Variants in CLSTN3 observed in about 807,000 individuals in gnomAD.
CLSTN3 encodes the protein calsyntenin-3.
In CLSTN3, 36 loss-of-function variants were observed where a neutral mutation model predicts 95.9. The ratio of observed to expected loss-of-function variants is 0.38; its 90% CI spans 0.29 to 0.50. The LOEUF (loss-of-function observed/expected upper bound fraction) is 0.50. Among genes scored for constraint, CLSTN3 ranks in the 20% least tolerant of loss-of-function variants. The pLI is 0.95. For missense variants in CLSTN3, 1,084 were observed against 1,268.8 expected, an observed-to-expected ratio of 0.85 and a Z score of 2.21; for synonymous variants, 481 against 504.0, an observed-to-expected ratio of 0.95 and a Z score of 0.61.
intron 10 of CLSTN3, 145 bp from the exon 11 acceptor site, chr12:7,142,718 CTTTTTT>C (rs373132235): frequency 5.5e-5 from 17 of 306,944 alleles, no homozygotes; most frequent in Admixed American, 1.6e-4. Flanking sequence ...CTCTTTTTTC[CTTTTTT>C]TTTTTTTTTT....
intron 8 of CLSTN3, among the ~76,000 whole-genome samples, chr12:7,140,613 T>C (rs1165000764): frequency 5.3e-5 from 8 of 152,140 alleles, no homozygotes; most frequent in African/African-American, 7.2e-5. Context: ...AATATTTATT[T>C]TAGTGCTTAA....
At chr12:7,155,453 CTCG>C (rs1435418691) in intron 16 of CLSTN3, among the ~76,000 whole-genome samples, 1 of 152,230 alleles carries the variant, frequency 6.6e-6, no homozygotes, top group African/African-American at 2.4e-5. Context: ...CCAGCTTTAG[CTCG>C]TCATCGTTGT....
intron 12 of CLSTN3, among the ~76,000 whole-genome samples, chr12:7,143,596 C>T (rs769373028): frequency 6.6e-5 from 10 of 152,196 alleles, no homozygotes; most frequent in African/African-American, 7.2e-5. Flanking sequence ...TGTGCTGATA[C>T]GTAAAGTGGG....
rs1170996734 is a variant in CLSTN3 at position 7,157,189 on chromosome 12, A to G, written c.2528-300A>G. Among the ~76,000 whole-genome samples the G allele has an allele frequency of 6.6e-6, 1 of 152,182 alleles. No individual in the cohort carries two copies. Among genetic ancestry groups the G allele is most frequent in the Non-Finnish European group, 1.5e-5 (1 of 68,020 alleles). ...CTGTCCTCTGCGAATAGGGCTGTTC[A>G]TGACAGTGTTGGGCAGGGAGTCTTT... is the stretch of plus-strand genomic sequence containing the variant. On this transcript the variant is annotated intron_variant, in intron 16 of 17. Coordinates refer to ENST00000266546, the MANE Select transcript of CLSTN3 (RefSeq NM_014718.4). The surrounding 1 kb of genome is among the most constrained non-coding windows in gnomAD (Gnocchi z 5.9).
intron 16 of CLSTN3, chr12:7,156,731 TG>T: frequency 4.4e-6 from 2 of 456,790 alleles, no homozygotes; most frequent in Non-Finnish European, 8.8e-6. Flanking sequence ...CGCACCGTTC[TG>T]TGTCTCAGTG....
rs1472119395 is a variant in CLSTN3, at chr12:7,143,201, G to T, written c.1737G>T (p.Glu579Asp). 6.2e-7 allele frequency: 1 copy of T among 1,614,134 alleles called. No individual in the cohort carries two copies. Among genetic ancestry groups the T allele is most frequent in the Admixed American group, 1.7e-5 (1 of 60,028 alleles). ...CCTCACAGTCCCTGCTCACCCTGGA[G>T]GGGGATGATGTGGAGACCTTCAACC... ...VNPSQSLLTL[E>D]GDDVETFNHA... The change falls in exon 12 of 18, where the codon GAG becomes GAT. Residue 579 changes from glutamate (E) to aspartate (D), a missense_variant. Glu to Asp is a conservative substitution (Grantham distance 45). Transcript: ENST00000266546.
rs763654214 is a variant in CLSTN3, at chr12:7,136,371, G to A, written c.908G>A (p.Arg303Gln). The A allele has an allele frequency of 4.3e-6, 7 of 1,612,498 alleles. No homozygotes were observed. Among genetic ancestry groups the A allele is most frequent in the Admixed American group, 3.3e-5 (2 of 59,840 alleles). The change falls in exon 6 of 18, where the codon CGG (arginine) becomes CAG (glutamine). Residue 303 changes from arginine to glutamine, a missense_variant. Transcript: ENST00000266546. ...KGCDRDNYSE[R>Q]ALRKLCGAAT... Reference sequence around the variant, plus strand: ...TGTGACCGTGACAACTACTCAGAGCGGGCGCTGCGGAAACTCTGTGGTAGG... The same window carrying A: ...TGTGACCGTGACAACTACTCAGAGCAGGCGCTGCGGAAACTCTGTGGTAGG...
intron 16 of CLSTN3, among the ~76,000 whole-genome samples, chr12:7,155,253 T>A (rs907915908): frequency 6.6e-6 from 1 of 152,214 alleles, no homozygotes; most frequent in African/African-American, 2.4e-5. Context: ...CTGTAGCTGA[T>A]TTAAAAATCC....
intron 12 of CLSTN3, among the ~76,000 whole-genome samples, chr12:7,144,944 T>A (rs1260704018): frequency 1.3e-5 from 2 of 152,180 alleles, no homozygotes; most frequent in African/African-American, 4.8e-5. Context: ...CACCCCGCCA[T>A]GTCCCAGTCA....
At chr12:7,151,216 G>T in intron 16 of CLSTN3, 153 bp downstream of exon 16, 1 of 767,668 alleles carries the variant, frequency 1.3e-6, no homozygotes. Flanking sequence ...GACAGCTATG[G>T]ACCAATCCCT....
At chr12:7,152,781 A>G (rs1351352699) in intron 16 of CLSTN3, among the ~76,000 whole-genome samples, 3 of 152,202 alleles carry the variant, frequency 2.0e-5, no homozygotes, top group Non-Finnish European at 2.9e-5. Context: ...TTTACAGGCA[A>G]GGACACAGAG....
At position 7,133,940 on chromosome 12, in the gene CLSTN3, A is replaced by G. The variant is rs2135794944; in HGVS notation, c.383+172A>G. Reference sequence around the variant, plus strand: ...TCCTAGGATTTAGGGACTTTCAGGCAAGGTGACAGAAACGTATAGTAGAGT... The same window carrying G: ...TCCTAGGATTTAGGGACTTTCAGGCGAGGTGACAGAAACGTATAGTAGAGT... On this transcript the variant is annotated intron_variant, in intron 3 of 17. Coordinates refer to ENST00000266546, the MANE Select transcript of CLSTN3 (RefSeq NM_014718.4). The surrounding 1 kb of genome is among the most constrained non-coding windows in gnomAD (Gnocchi z 4.7). 1.7e-6 allele frequency: 1 copy of G among 585,090 alleles called. No individual in the cohort carries two copies. The highest frequency in any genetic ancestry group is 3.0e-5 in the East Asian group (1 of 33,260). 36.2% of individuals were successfully genotyped at this position (585,090 alleles called of 1,614,324 possible). A position where few individuals can be genotyped will look rare whatever the true frequency, so the allele number is the denominator to read the frequency against.
intron 3 of CLSTN3, among the ~76,000 whole-genome samples, chr12:7,134,985 A>G (rs1355840989): frequency 6.6e-6 from 1 of 152,088 alleles, no homozygotes. Context: ...CCTCAGTCTC[A>G]GGGATAGATG....
At chr12:7,152,359 T>C (rs960458775) in intron 16 of CLSTN3, among the ~76,000 whole-genome samples, 1 of 152,240 alleles carries the variant, frequency 6.6e-6, no homozygotes, top group Non-Finnish European at 1.5e-5. Context: ...TTTATTTTTG[T>C]TATTTTTTGG....
In CLSTN3 at chr12:7,150,757, C is replaced by CAA. The variant is rs1939709822; in HGVS notation, c.2391+71_2391+72dup. 6.3e-7 allele frequency: 1 copy of CAA among 1,587,912 alleles called. No homozygotes were observed. Among genetic ancestry groups the CAA allele is most frequent in the Non-Finnish European group, 8.6e-7 (1 of 1,161,110 alleles). On this transcript the variant is annotated intron_variant, in intron 15 of 17. Transcript: ENST00000266546. The surrounding 1 kb of genome is among the most constrained non-coding windows in gnomAD (Gnocchi z 4.0). ...GAAAGGAGCTGAGGTGGCATGGACT[C>CAA]AAAATGTTAGTTGGTGGGCATGGAC...
chr12:7,155,687 G>A (rs1001572580), intron 16 of CLSTN3, among the ~76,000 whole-genome samples: 2 of 152,254 alleles, frequency 1.3e-5, no homozygotes, highest in Non-Finnish European at 2.9e-5. Context: ...AGGAAGTTGA[G>A]AAATACTGAT....
At chr12:7,146,252 T>G (rs978005945) in intron 12 of CLSTN3, among the ~76,000 whole-genome samples, 2 of 152,142 alleles carry the variant, frequency 1.3e-5, no homozygotes, top group African/African-American at 2.4e-5. Context: ...GAGACCAGCC[T>G]GCACAACCAA....
chr12:7,155,799 A>C, intron 16 of CLSTN3: 1 of 180,708 alleles, frequency 5.5e-6, no homozygotes, highest in Non-Finnish European at 1.2e-5. Flanking sequence ...GTGGGTCAGG[A>C]TGGGGACCAA....
chr12:7,146,405 A>C (rs981226063), intron 12 of CLSTN3, among the ~76,000 whole-genome samples: 4 of 152,026 alleles, frequency 2.6e-5, no homozygotes, highest in Non-Finnish European at 4.4e-5. Context: ...GTCTCTAAAA[A>C]ATTAGAGAGA....
Sources: allele counts gnomAD v4.1 joint callset (sites outside exome capture counted in the v4.1 genomes callset), GRCh38; gene constraint gnomAD v4.1.1; non-coding constraint Gnocchi (gnomAD v3.1); transcripts MANE v1.5; gene names NCBI Gene and HGNC (gene_info 2026-07-23, HGNC 2026-07-21).